Variants in WWOX observed in about 807,000 individuals in gnomAD.
WWOX encodes the protein WW domain-containing oxidoreductase.
A neutral mutation model predicts 46.2 loss-of-function variants in WWOX; 69 were observed. The observed-to-expected ratio is 1.49, with a 90% CI of 1.23 to 1.82. The LOEUF is 1.82. Among genes scored for constraint, WWOX ranks in the 40% most tolerant of loss-of-function variants. WWOX has a pLI of 0.00. For missense variants in WWOX, 919 were observed against 542.6 expected (o/e 1.69, Z -6.89); for synonymous variants, 359 against 202.6 (o/e 1.77, Z -6.56).
At chr16:78,719,097 C>A (rs749183055) in intron 8 of WWOX, among the ~76,000 whole-genome samples, 3 of 152,152 alleles carry the variant, frequency 2.0e-5, no homozygotes, top group Non-Finnish European at 4.4e-5. Context: ...CCCCTCATGA[C>A]GCACAACTGG....
chr16:78,965,485 A>G (rs1033139397), intron 8 of WWOX, among the ~76,000 whole-genome samples: 1 of 151,672 alleles, frequency 6.6e-6, no homozygotes, highest in Non-Finnish European at 1.5e-5. Flanking sequence ...CAGGAGAATC[A>G]CTTGAACCCG....
chr16:78,277,578 C>G (rs1201945213), intron 5 of WWOX, among the ~76,000 whole-genome samples: 1 of 152,110 alleles, frequency 6.6e-6, no homozygotes, highest in African/African-American at 2.4e-5. Context: ...GGGAACCTGG[C>G]CCAATCTGCT....
chr16:78,523,708 TC>T, intron 8 of WWOX, among the ~76,000 whole-genome samples: 1 of 152,292 alleles, frequency 6.6e-6, no homozygotes, highest in Admixed American at 6.5e-5. Flanking sequence ...CAGTCATGCT[TC>T]CCTGTTGAAA....
At chr16:78,423,861 T>A (rs2083011157) in intron 6 of WWOX, among the ~76,000 whole-genome samples, 2 of 150,588 alleles carry the variant, frequency 1.3e-5, no homozygotes, top group South Asian at 4.2e-4. Flanking sequence ...AAAAAAAAAT[T>A]AAATATATAC....
chr16:78,879,179 C>A (rs188064965), intron 8 of WWOX, among the ~76,000 whole-genome samples: 54 of 152,216 alleles, frequency 3.5e-4, no homozygotes, highest in Middle Eastern at 3.4e-3. Flanking sequence ...GCAAGGAGCT[C>A]ATCTTTCACG....
At chr16:78,723,335 AAC>A (rs1324715562) in intron 8 of WWOX, among the ~76,000 whole-genome samples, 1 of 152,172 alleles carries the variant, frequency 6.6e-6, no homozygotes, top group Non-Finnish European at 1.5e-5. Flanking sequence ...AGTGTCTGTC[AAC>A]GTGGCTTTTG....
At position 78,517,499 on chromosome 16, in the gene WWOX, A is replaced by G. The variant is rs186627295; in HGVS notation, c.1056+84747A>G. Among the ~76,000 whole-genome samples the G allele has an allele frequency of 9.5e-4, 144 of 152,330 alleles. No homozygotes were observed. The Middle Eastern group carries it at 0.01, about 11-fold the overall frequency. Reference sequence around the variant, plus strand: ...TATGGCTGTGTGATATCATTATGGCATCCTAATGAATGTCTACTGAATTAT... The same window carrying G: ...TATGGCTGTGTGATATCATTATGGCGTCCTAATGAATGTCTACTGAATTAT... On this transcript the variant is annotated intron_variant, in intron 8 of 8. Transcript: ENST00000566780.
intron 8 of WWOX, among the ~76,000 whole-genome samples, chr16:79,153,203 A>T (rs2050315088): frequency 6.6e-6 from 1 of 152,170 alleles, no homozygotes; most frequent in Admixed American, 6.5e-5. Context: ...GAGGAGATTC[A>T]GGCCCAGCGT....
chr16:78,969,711 G>A (rs961249608), intron 8 of WWOX, among the ~76,000 whole-genome samples: 5 of 152,184 alleles, frequency 3.3e-5, no homozygotes, highest in Admixed American at 6.5e-5. Flanking sequence ...AAATTCGCAT[G>A]TTGAAAACAT....
chr16:78,763,150 G>A (rs925937727), intron 8 of WWOX, among the ~76,000 whole-genome samples: 1 of 152,226 alleles, frequency 6.6e-6, no homozygotes, highest in Non-Finnish European at 1.5e-5. Flanking sequence ...TACTGAAAGC[G>A]TTACAGTCAA....
chr16:78,442,372 C>T (rs962828432), intron 8 of WWOX, among the ~76,000 whole-genome samples: 1 of 151,980 alleles, frequency 6.6e-6, no homozygotes, highest in Non-Finnish European at 1.5e-5. Context: ...TACAATAGAT[C>T]TCCAGAATGT....
At chr16:78,329,029 TTTTC>T (rs1177173151) in intron 5 of WWOX, among the ~76,000 whole-genome samples, 2 of 151,940 alleles carry the variant, frequency 1.3e-5, no homozygotes, top group Non-Finnish European at 2.9e-5. Context: ...GACAGGCTGA[TTTTC>T]TTTTTTTTCG....
chr16:78,759,687 ACTG>A (rs2049743328), intron 8 of WWOX, among the ~76,000 whole-genome samples: 1 of 152,210 alleles, frequency 6.6e-6, no homozygotes, highest in Non-Finnish European at 1.5e-5. Flanking sequence ...TGAACATGAG[ACTG>A]TATGCTCCCT....
chr16:78,987,910 G>C (rs1019689444), intron 8 of WWOX, among the ~76,000 whole-genome samples: 1 of 152,102 alleles, frequency 6.6e-6, no homozygotes, highest in African/African-American at 2.4e-5. Flanking sequence ...CACAGGTCTC[G>C]TCATGTCCCT....
chr16:78,129,273 G>C (rs202052438), intron 4 of WWOX, among the ~76,000 whole-genome samples: 29 of 148,130 alleles, frequency 2.0e-4, no homozygotes, highest in African/African-American at 7.0e-4. Context: ...TGACTTACCC[G>C]AGTGTACACA....
At chr16:78,126,240 A>G in intron 4 of WWOX, among the ~76,000 whole-genome samples, 1 of 152,002 alleles carries the variant, frequency 6.6e-6, no homozygotes, top group East Asian at 1.9e-4. Context: ...CCCATCCGTG[A>G]CTCTTCTATA....
chr16:78,600,742 G>C (rs1271666070), intron 8 of WWOX, among the ~76,000 whole-genome samples: 1 of 152,210 alleles, frequency 6.6e-6, no homozygotes, highest in East Asian at 1.9e-4. Context: ...CTGAAGTCTG[G>C]ACACTGAGAG....
intron 8 of WWOX, among the ~76,000 whole-genome samples, chr16:78,802,793 G>A (rs541114971): frequency 6.6e-6 from 1 of 151,420 alleles, no homozygotes; most frequent in African/African-American, 2.4e-5. Context: ...GTGGGCGCCT[G>A]TAATCCCAGC....
At chr16:78,869,042 C>T (rs989693386) in intron 8 of WWOX, among the ~76,000 whole-genome samples, 6 of 152,246 alleles carry the variant, frequency 3.9e-5, no homozygotes, top group South Asian at 2.1e-4. Context: ...ATAAAAATCA[C>T]CTGTAGTCCT....
Sources: gnomAD v4.1 joint callset for allele counts (sites outside exome capture counted in the v4.1 genomes callset) on GRCh38, gnomAD v4.1.1 for gene constraint, MANE v1.5 for transcripts, NCBI Gene and HGNC (gene_info 2026-07-23, HGNC 2026-07-21) for gene names.